The following ARK2N variants were observed in gnomAD, a reference collection of about 807,000 sequenced individuals.
The protein encoded by ARK2N is arkadia (RNF111) N-terminal like PKA signaling regulator 2N.
the ARK2N span, among the ~76,000 whole-genome samples, chr18:46,255,445 C>CTTTTCTTTTTTTTTTTT: frequency 1.3e-5 from 1 of 77,744 alleles, no homozygotes; most frequent in African/African-American, 6.1e-5. Flanking sequence ...CTTTTCTTTT[C>CTTTTCTTTTTTTTTTTT]TTTTTTTTTT....
At chr18:46,264,833 C>G in the ARK2N span, 3 of 150,386 alleles carry the variant, frequency 2.0e-5, no homozygotes, top group Non-Finnish European at 4.4e-5. Context: ...TGTATTTGTG[C>G]ATATGTTCTT....
chr18:46,197,148 A>AT, the ARK2N span, among the ~76,000 whole-genome samples: 1 of 152,130 alleles, frequency 6.6e-6, no homozygotes, highest in Admixed American at 6.5e-5. Context: ...TTGTGAACAG[A>AT]TAAAAAAAGA....
chr18:46,185,039 CTG>C, the ARK2N span, among the ~76,000 whole-genome samples: 1 of 152,198 alleles, frequency 6.6e-6, no homozygotes, highest in South Asian at 2.1e-4. Flanking sequence ...GGAAGTTACT[CTG>C]TGAGAAATCA....
At chr18:46,259,148 G>A in the ARK2N span, among the ~76,000 whole-genome samples, 3 of 151,886 alleles carry the variant, frequency 2.0e-5, no homozygotes, top group African/African-American at 7.3e-5. Flanking sequence ...AACACATACA[G>A]ATAACTAATA....
the ARK2N span, among the ~76,000 whole-genome samples, chr18:46,256,418 T>TA: frequency 0.7 from 105,272 of 151,398 alleles, 36,933 homozygotes; most frequent in Non-Finnish European, 0.75. Context: ...CTTCTTTTTT[T>TA]AAAAAAAAAT....
chr18:46,224,985 C>T, the ARK2N span, among the ~76,000 whole-genome samples: 1 of 152,188 alleles, frequency 6.6e-6, no homozygotes, highest in Non-Finnish European at 1.5e-5. Context: ...TACAGGATTA[C>T]TTGACAGGGG....
chr18:46,243,297 T>G, the ARK2N span, among the ~76,000 whole-genome samples: 1 of 152,142 alleles, frequency 6.6e-6, no homozygotes, highest in African/African-American at 2.4e-5. Flanking sequence ...ATTCTTATGG[T>G]GTGAGTGTAA....
the ARK2N span, among the ~76,000 whole-genome samples, chr18:46,209,632 G>A: frequency 4.4e-3 from 668 of 152,218 alleles, 5 homozygotes; most frequent in African/African-American, 0.015. Context: ...GTCTTGCTCT[G>A]TCACTCAGGC....
chr18:46,250,910 C>G, the ARK2N span, among the ~76,000 whole-genome samples: 1,520 of 152,280 alleles, frequency 1.0e-2, 27 homozygotes, highest in African/African-American at 0.034. Context: ...CCTTGAGAAC[C>G]CAGCTTCCCT....
chr18:46,180,902 A>T, the ARK2N span, among the ~76,000 whole-genome samples: 1 of 152,192 alleles, frequency 6.6e-6, no homozygotes, highest in East Asian at 1.9e-4. Flanking sequence ...AATTCATTTT[A>T]AATAAGGTAT....
chr18:46,254,340 C>G, the ARK2N span, among the ~76,000 whole-genome samples: 1 of 152,134 alleles, frequency 6.6e-6, no homozygotes, highest in Non-Finnish European at 1.5e-5. Context: ...GCTCATATAA[C>G]TAAGGGAGTC....
the ARK2N span, among the ~76,000 whole-genome samples, chr18:46,194,772 A>AGCC: frequency 1.4e-5 from 2 of 141,390 alleles, no homozygotes; most frequent in Non-Finnish European, 3.1e-5. Context: ...CCGCGACCGG[A>AGCC]TTCTTGTTTT....
the ARK2N span, among the ~76,000 whole-genome samples, chr18:46,191,384 A>G: frequency 6.6e-5 from 10 of 151,884 alleles, 1 homozygote; most frequent in African/African-American, 2.2e-4. Context: ...GGTCTCTACA[A>G]AACTTCATCT....
At chr18:46,242,353 T>G in the ARK2N span, among the ~76,000 whole-genome samples, 2 of 152,238 alleles carry the variant, frequency 1.3e-5, no homozygotes, top group East Asian at 3.8e-4. Context: ...CTACAAAAAA[T>G]CAGCCATTTC....
At chr18:46,233,797 T>C in the ARK2N span, among the ~76,000 whole-genome samples, 8 of 152,316 alleles carry the variant, frequency 5.3e-5, no homozygotes, top group Non-Finnish European at 1.0e-4. Context: ...GTTTAAATTT[T>C]TAATAATTGA....
the ARK2N span, among the ~76,000 whole-genome samples, chr18:46,223,688 G>A: frequency 6.6e-6 from 1 of 152,128 alleles, no homozygotes; most frequent in Non-Finnish European, 1.5e-5. Flanking sequence ...GGCTAAGATT[G>A]GTTGATTCCA....
At chr18:46,229,818 G>A in the ARK2N span, among the ~76,000 whole-genome samples, 1 of 151,904 alleles carries the variant, frequency 6.6e-6, no homozygotes, top group Non-Finnish European at 1.5e-5. Flanking sequence ...TGCCCAGGCT[G>A]GTCTTAAACT....
the ARK2N span, among the ~76,000 whole-genome samples, chr18:46,204,641 A>G: frequency 1.3e-5 from 2 of 152,196 alleles, no homozygotes; most frequent in African/African-American, 2.4e-5. Flanking sequence ...GTTTCTTACA[A>G]TTCTAGGTTG....
At chr18:46,198,330 AAAAG>A in the ARK2N span, among the ~76,000 whole-genome samples, 3 of 151,196 alleles carry the variant, frequency 2.0e-5, no homozygotes, top group Non-Finnish European at 2.9e-5. Flanking sequence ...AAAAAAAAAA[AAAAG>A]AAGCTTGACT....
Sources: allele counts gnomAD v4.1 joint callset (sites outside exome capture counted in the v4.1 genomes callset), GRCh38; gene constraint gnomAD v4.1.1; transcripts MANE v1.5; gene names NCBI Gene and HGNC (gene_info 2026-07-23, HGNC 2026-07-21).